Variants in PDE2A observed in about 807,000 individuals in gnomAD.
PDE2A encodes cGMP-dependent 3',5'-cyclic phosphodiesterase.
PDE2A carries 53 observed loss-of-function variants against 133.6 expected under a neutral mutation model. The observed-to-expected ratio is 0.40, with a 90% CI of 0.32 to 0.50. The LOEUF (loss-of-function observed/expected upper bound fraction) is 0.50. Ranked by LOEUF, PDE2A falls within the 20% of genes least tolerant of loss-of-function variation. The pLI is 0.73. For synonymous variants in PDE2A, 491 were observed against 490.2 expected (o/e 1.00, Z -0.02); for missense variants, 796 against 1,232.4 (o/e 0.65, Z 5.30).
chr11:72,652,871 C>A (rs964286159), intron 1 of PDE2A, among the ~76,000 whole-genome samples: 2 of 152,178 alleles, frequency 1.3e-5, no homozygotes, highest in African/African-American at 4.8e-5. Context: ...TTGAGCAACT[C>A]CTCCCAGCCC....
At chr11:72,623,944 C>G in intron 2 of PDE2A, among the ~76,000 whole-genome samples, 1 of 152,138 alleles carries the variant, frequency 6.6e-6, no homozygotes, top group South Asian at 2.1e-4. Flanking sequence ...TCCCCTGCCA[C>G]GCACCATGCA....
chr11:72,611,376 T>C (rs1232769397), intron 2 of PDE2A, among the ~76,000 whole-genome samples: 1 of 152,064 alleles, frequency 6.6e-6, no homozygotes, highest in Non-Finnish European at 1.5e-5. Context: ...CAGCACCCGA[T>C]CCCCAGCTCC....
chr11:72,631,163 G>T, intron 2 of PDE2A: 1 of 1,527,912 alleles, frequency 6.5e-7, no homozygotes, highest in Non-Finnish European at 8.8e-7. Context: ...AAGGTCAGGG[G>T]CTGAGGCCGG....
intron 6 of PDE2A, among the ~76,000 whole-genome samples, chr11:72,592,414 C>T (rs556520995): frequency 7.9e-5 from 12 of 152,264 alleles, no homozygotes; most frequent in African/African-American, 9.6e-5. Context: ...AGCAGGTTCT[C>T]GGGAAGCTCA....
At chr11:72,655,897 G>A (rs1854886206) in intron 1 of PDE2A, among the ~76,000 whole-genome samples, 1 of 152,180 alleles carries the variant, frequency 6.6e-6, no homozygotes, top group South Asian at 2.1e-4. Flanking sequence ...CCCAGAGTGG[G>A]GGCTGCAGCC....
At chr11:72,596,680 C>A in intron 5 of PDE2A, 32 bp from the exon 6 acceptor site, 1 of 1,381,350 alleles carries the variant, frequency 7.2e-7, no homozygotes, top group Non-Finnish European at 9.5e-7. Flanking sequence ...GGTGCTCCTG[C>A]AGGGCTGGCG....
At chr11:72,620,759 G>C (rs1410088213) in intron 2 of PDE2A, among the ~76,000 whole-genome samples, 10 of 152,106 alleles carry the variant, frequency 6.6e-5, no homozygotes, top group Non-Finnish European at 1.3e-4. Context: ...GGCTGCAGGA[G>C]CCTGGGCTGG....
intron 1 of PDE2A, among the ~76,000 whole-genome samples, chr11:72,667,728 G>C (rs887420186): frequency 6.6e-6 from 1 of 152,028 alleles, no homozygotes. Context: ...AGAGGAAGAT[G>C]AGCTGGGTGC....
intron 1 of PDE2A, among the ~76,000 whole-genome samples, chr11:72,665,471 G>A (rs1855207409): frequency 6.6e-6 from 1 of 151,732 alleles, no homozygotes; most frequent in Non-Finnish European, 1.5e-5. Flanking sequence ...CCAGGGAATG[G>A]GATCTCTCTG....
intron 1 of PDE2A, among the ~76,000 whole-genome samples, chr11:72,660,971 G>A (rs1165696380): frequency 6.6e-6 from 1 of 152,058 alleles, no homozygotes; most frequent in African/African-American, 2.4e-5. Context: ...CTGAGAAAAT[G>A]AGGCAGAGGG....
intron 1 of PDE2A, among the ~76,000 whole-genome samples, chr11:72,663,726 C>CAAA (rs35814877): frequency 0.012 from 1,295 of 111,792 alleles, 19 homozygotes; most frequent in African/African-American, 0.041. Context: ...AAGACTGTCT[C>CAAA]AAAAAAAAAA....
intron 2 of PDE2A, among the ~76,000 whole-genome samples, chr11:72,618,104 C>G (rs1031848399): frequency 4.6e-5 from 7 of 152,214 alleles, no homozygotes; most frequent in Non-Finnish European, 1.0e-4. Context: ...CCCCTCCCCT[C>G]CTCCAGAGTG....
chr11:72,586,191 G>T lies in PDE2A; in HGVS notation c.1071-10C>A. Reference sequence around the variant, plus strand: ...GTCCTCGTCGGTGAACCTGGAGGAGGGGGTGGGCTCACTCAGGAGGGAAGG... The same window carrying T: ...GTCCTCGTCGGTGAACCTGGAGGAGTGGGTGGGCTCACTCAGGAGGGAAGG... On this transcript the variant is annotated splice_polypyrimidine_tract_variant and intron_variant, in intron 13 of 30. Coordinates refer to ENST00000334456, the MANE Select transcript of PDE2A (RefSeq NM_002599.5). 1 of 1,540,594 alleles carries T rather than the reference G, an allele frequency of 6.5e-7. No individual in the cohort carries two copies.
At chr11:72,670,573 T>C (rs994029617) in intron 1 of PDE2A, among the ~76,000 whole-genome samples, 1 of 152,192 alleles carries the variant, frequency 6.6e-6, no homozygotes, top group Non-Finnish European at 1.5e-5. Context: ...CTGTCCTCAC[T>C]CCCTTATTTG....
intron 1 of PDE2A, among the ~76,000 whole-genome samples, chr11:72,646,339 A>G (rs1565190821): frequency 6.6e-6 from 1 of 152,210 alleles, no homozygotes; most frequent in Non-Finnish European, 1.5e-5. Flanking sequence ...TTGTGCTGGC[A>G]AAGCATTTCC....
intron 1 of PDE2A, among the ~76,000 whole-genome samples, chr11:72,670,340 G>A (rs1245478762): frequency 2.0e-5 from 3 of 152,164 alleles, no homozygotes; most frequent in Admixed American, 6.5e-5. Context: ...GCCAGTGAAC[G>A]GCTGCTGAAT....
intron 2 of PDE2A, among the ~76,000 whole-genome samples, chr11:72,622,290 T>C (rs1050083439): frequency 6.6e-6 from 1 of 152,154 alleles, no homozygotes; most frequent in African/African-American, 2.4e-5. Context: ...CAGAAAACAG[T>C]ATGGCAGTTC....
intron 2 of PDE2A, among the ~76,000 whole-genome samples, chr11:72,641,933 AG>A (rs146466008): frequency 1.2e-4 from 19 of 152,188 alleles, no homozygotes; most frequent in Middle Eastern, 3.2e-3. Flanking sequence ...AGGCGTGGGC[AG>A]GGTCCCCACT....
In PDE2A at chr11:72,588,859, C is replaced by G. The variant is rs769460085; in HGVS notation, c.995G>C (p.Cys332Ser). Residue 332 changes from cysteine to serine, a missense_variant, in exon 13 of 31, where the codon TGT becomes TCT. Transcript: ENST00000334456. ...MLGCELQAML[C>S]VPVISRATDQ... ...AGTGGCCCGGCTGATGACAGGGACA[C>G]AGAGCATGGCCTGCAGCTCACAGCC... 3 of 1,611,674 alleles carry G rather than the reference C, an allele frequency of 1.9e-6. No homozygotes were observed. Among genetic ancestry groups the G allele is most frequent in the Non-Finnish European group, 2.5e-6 (3 of 1,178,480 alleles).
Sources: gnomAD v4.1 joint callset for allele counts (sites outside exome capture counted in the v4.1 genomes callset) on GRCh38, gnomAD v4.1.1 for gene constraint, MANE v1.5 for transcripts, NCBI Gene and HGNC (gene_info 2026-07-23, HGNC 2026-07-21) for gene names.